The following KIAA0232 variants were observed in gnomAD, a reference collection of about 807,000 sequenced individuals.
KIAA0232 encodes KIAA0232.
KIAA0232 carries 27 observed loss-of-function variants against 122.0 expected under a neutral mutation model. The observed-to-expected ratio is 0.22, with a 90% CI of 0.16 to 0.31. KIAA0232 has a LOEUF of 0.31. KIAA0232 is among the 10% of genes least tolerant of loss of function. KIAA0232 has a pLI of 1.00. For synonymous variants in KIAA0232, 613 were observed against 587.6 expected (o/e 1.04, Z -0.63); for missense variants, 1,551 against 1,634.2 (o/e 0.95, Z 0.88).
At chr4:6,847,707 A>G (rs1206851449) in intron 4 of KIAA0232, among the ~76,000 whole-genome samples, 2 of 152,166 alleles carry the variant, frequency 1.3e-5, no homozygotes, top group Non-Finnish European at 2.9e-5. Flanking sequence ...GAGGAATGGT[A>G]TTGTGAATCA....
intron 2 of KIAA0232, among the ~76,000 whole-genome samples, chr4:6,814,318 G>A (rs927107113): frequency 2.6e-5 from 4 of 151,664 alleles, no homozygotes; most frequent in African/African-American, 9.7e-5. Context: ...CCTGAAAGAG[G>A]AAAGGCCCTG....
At chr4:6,818,214 A>T (rs1454948120) in intron 2 of KIAA0232, among the ~76,000 whole-genome samples, 1 of 151,970 alleles carries the variant, frequency 6.6e-6, no homozygotes, top group Non-Finnish European at 1.5e-5. Context: ...CAGCCTGGCC[A>T]AGATGGTGAA....
intron 4 of KIAA0232, among the ~76,000 whole-genome samples, chr4:6,845,581 G>A (rs545533794): frequency 1.3e-5 from 2 of 152,088 alleles, no homozygotes; most frequent in South Asian, 4.2e-4. Flanking sequence ...AAGGAATTCA[G>A]AATGCAGATT....
rs111592241 is a variant in KIAA0232, at chr4:6,819,538, T to A, written c.-269-4647T>A. Among the ~76,000 whole-genome samples the A allele has an allele frequency of 4.6e-3, 695 of 152,016 alleles. 8 individuals are homozygous for A. The highest frequency in any genetic ancestry group is 0.016 in the African/African-American group (676 of 41,452). ...TCGCTGATTATCAGAGAAATGCAAA[T>A]CAAAACCACAATGAGTTAACATCTC... is the stretch of plus-strand genomic sequence containing the variant. On this transcript the variant is annotated intron_variant, in intron 2 of 9. Transcript: ENST00000307659.
chr4:6,805,025 G>T (rs992217678), intron 2 of KIAA0232, among the ~76,000 whole-genome samples: 1 of 152,108 alleles, frequency 6.6e-6, no homozygotes, highest in Non-Finnish European at 1.5e-5. Flanking sequence ...ACCTGCTCTT[G>T]TTTCAGCTTT....
At chr4:6,846,053 A>G (rs2108751911) in intron 4 of KIAA0232, among the ~76,000 whole-genome samples, 1 of 152,086 alleles carries the variant, frequency 6.6e-6, no homozygotes, top group East Asian at 1.9e-4. Flanking sequence ...TTTCAACCCC[A>G]GTAAAGCATA....
At chr4:6,795,037 C>T (rs890828561) in intron 1 of KIAA0232, among the ~76,000 whole-genome samples, 4 of 151,684 alleles carry the variant, frequency 2.6e-5, no homozygotes, top group East Asian at 1.9e-4. Context: ...AGCCAGATTG[C>T]GCAGTTAAAT....
At chr4:6,860,479 G>A (rs1319481160) in intron 6 of KIAA0232, among the ~76,000 whole-genome samples, 1 of 152,196 alleles carries the variant, frequency 6.6e-6, no homozygotes, top group Admixed American at 6.5e-5. Context: ...CCATTTTGCA[G>A]TTGAGGAAAT....
intron 1 of KIAA0232, among the ~76,000 whole-genome samples, chr4:6,797,827 C>A (rs1314821289): frequency 6.7e-6 from 1 of 150,314 alleles, no homozygotes; most frequent in Non-Finnish European, 1.5e-5. Context: ...ATCCCAGCAC[C>A]TTGGGAGGCC....
chr4:6,792,018 C>A (rs970541052), intron 1 of KIAA0232, among the ~76,000 whole-genome samples: 1 of 152,134 alleles, frequency 6.6e-6, no homozygotes, highest in Non-Finnish European at 1.5e-5. Flanking sequence ...TTGACTGTCA[C>A]CATCCATGTA....
rs1722049013 is a variant in KIAA0232 at position 6,881,044 on chromosome 4, A to G, written c.*78A>G. On this transcript the variant is annotated 3_prime_UTR_variant, in exon 10 of 10. Transcript: ENST00000307659. ...ACTCTTCAGTGAGACCTGTTAATCT[A>G]AAACAACAACTTAGGTTTCCTCTTC... 1.9e-5 allele frequency: 20 copies of G among 1,049,182 alleles called. No individual in the cohort carries two copies. The highest frequency in any genetic ancestry group is 2.9e-5 in the South Asian group (1 of 33,928). 65.0% of individuals were successfully genotyped at this position (1,049,182 alleles called of 1,614,324 possible).
At chr4:6,870,892 G>A (rs537507572) in intron 7 of KIAA0232, among the ~76,000 whole-genome samples, 1 of 152,150 alleles carries the variant, frequency 6.6e-6, no homozygotes, top group Admixed American at 6.5e-5. Flanking sequence ...GGTTCCCCCT[G>A]TTCTCTTCAG....
chr4:6,795,130 G>C (rs1717072599), intron 1 of KIAA0232, among the ~76,000 whole-genome samples: 1 of 152,192 alleles, frequency 6.6e-6, no homozygotes, highest in Non-Finnish European at 1.5e-5. Flanking sequence ...GAGTGCAATT[G>C]CATGATCTCG....
chr4:6,830,403 CTTTTTTTTTTTTTT>C (rs10714574), intron 3 of KIAA0232, among the ~76,000 whole-genome samples: 2 of 75,530 alleles, frequency 2.6e-5, no homozygotes, highest in Non-Finnish European at 5.5e-5. Context: ...TCTCTGTTGT[CTTTTTTTTTTTTTT>C]TTTTTTTTTG....
In KIAA0232 at chr4:6,883,243, T is replaced by G. The variant is rs1029044830; in HGVS notation, c.*2277T>G. 1.3e-5 allele frequency: 2 copies of G among 152,670 alleles called. No homozygotes were observed. Among genetic ancestry groups the G allele is most frequent in the African/African-American group, 2.4e-5 (1 of 41,454 alleles). The allele number at this position is 152,670 out of a possible 1,614,324, so 9.5% of individuals were successfully genotyped here. ...TTTCCATAGCACTGAAGTACCAGTTTCCATTCCTGGGCTGAGATTGTTTTT... is the reference window on the plus strand; with the variant it reads ...TTTCCATAGCACTGAAGTACCAGTTGCCATTCCTGGGCTGAGATTGTTTTT... On this transcript the variant is annotated 3_prime_UTR_variant, in exon 10 of 10. Transcript: ENST00000307659.
In KIAA0232 at chr4:6,862,837, G is replaced by C; in HGVS notation, c.2455G>C (p.Gly819Arg). The change falls in exon 7 of 10, where the codon GGC (glycine) becomes CGC (arginine). Residue 819 changes from glycine (G) to arginine (R), a missense_variant. Gly to Arg is a moderately radical substitution (Grantham distance 125). This residue lies in a region of KIAA0232 where 1,108 missense variants were observed against 1,154.8 expected (regional missense o/e 0.96). Transcript: ENST00000307659. Reference protein sequence around the residue: ...QVCNESPHGDGYSSGVIKDIW... With the variant: ...QVCNESPHGDRYSSGVIKDIW... The stretch of plus-strand genomic sequence containing the variant: ...ATGTAATGAAAGTCCACATGGAGAT[G>C]GCTACAGCTCAGGGGTTATTAAAGA... 1 of 1,614,204 alleles carries C rather than the reference G, an allele frequency of 6.2e-7. No individual in the cohort carries two copies. Among genetic ancestry groups the C allele is most frequent in the South Asian group, 1.1e-5 (1 of 91,074 alleles).
intron 4 of KIAA0232, among the ~76,000 whole-genome samples, chr4:6,842,816 T>C (rs1577390927): frequency 6.6e-6 from 1 of 152,162 alleles, no homozygotes; most frequent in African/African-American, 2.4e-5. Context: ...CTTGAACTCC[T>C]GATCTCAGGT....
At chr4:6,819,112 A>C (rs749239266) in intron 2 of KIAA0232, among the ~76,000 whole-genome samples, 1 of 152,176 alleles carries the variant, frequency 6.6e-6, no homozygotes, top group African/African-American at 2.4e-5. Flanking sequence ...GTAAGACCTC[A>C]AACTATAAAA....
intron 1 of KIAA0232, among the ~76,000 whole-genome samples, chr4:6,786,264 T>C (rs1407891833): frequency 6.6e-6 from 1 of 152,210 alleles, no homozygotes; most frequent in Non-Finnish European, 1.5e-5. Context: ...AAAGTATATT[T>C]ATTTTTATTT....
Sources: gnomAD v4.1 joint callset for allele counts (sites outside exome capture counted in the v4.1 genomes callset) on GRCh38, gnomAD v4.1.1 for gene constraint, gnomAD v4.1.1 regional missense constraint, MANE v1.5 for transcripts, NCBI Gene and HGNC (gene_info 2026-07-23, HGNC 2026-07-21) for gene names.